The following DGKB variants were observed in gnomAD, a reference collection of about 807,000 sequenced individuals.
DGKB encodes 90 kDa diacylglycerol kinase.
DGKB carries 67 observed loss-of-function variants against 114.3 expected under a neutral mutation model. The observed-to-expected ratio is 0.59, with a 90% CI of 0.48 to 0.72. DGKB has a LOEUF of 0.72. Among genes scored for constraint, DGKB ranks in the 30% least tolerant of loss-of-function variants. DGKB has a pLI of 0.00. For missense variants in DGKB, 907 were observed against 975.2 expected, an observed-to-expected ratio of 0.93 and a Z score of 0.93; for synonymous variants, 398 against 323.1, an observed-to-expected ratio of 1.23 and a Z score of -2.49.
chr7:14,264,392 C>T (rs1797202086), intron 23 of DGKB, among the ~76,000 whole-genome samples: 2 of 152,114 alleles, frequency 1.3e-5, no homozygotes, highest in South Asian at 4.1e-4. Context: ...CTGGGGACCT[C>T]AGTAGCCTGA....
rs148068282 is a variant in DGKB, at chr7:14,807,804, G to A, written c.70+33390C>T. ...TTTGGGGCTTTTTAAATTTGTTTTT[G>A]TTCTAAAAAATTGTGTATTATGAAA... On this transcript the variant is annotated intron_variant, in intron 2 of 25. Transcript: ENST00000402815. Among the ~76,000 whole-genome samples, 578 of 151,900 alleles carry A rather than the reference G, an allele frequency of 3.8e-3. 6 individuals are homozygous for A. Among genetic ancestry groups the A allele is most frequent in the African/African-American group, 0.013 (530 of 41,472 alleles).
chr7:14,252,636 C>A (rs1214642294), intron 23 of DGKB, among the ~76,000 whole-genome samples: 1 of 152,140 alleles, frequency 6.6e-6, no homozygotes, highest in East Asian at 1.9e-4. Context: ...AGAAACAGGC[C>A]TTGTCCCTAG....
At chr7:14,842,260 T>C (rs1308637904) in intron 1 of DGKB, among the ~76,000 whole-genome samples, 1 of 152,228 alleles carries the variant, frequency 6.6e-6, no homozygotes, top group Non-Finnish European at 1.5e-5. Context: ...GTCACCTTAC[T>C]TCTACAGACA....
At chr7:14,500,637 G>T (rs1362420125) in intron 20 of DGKB, among the ~76,000 whole-genome samples, 1 of 151,514 alleles carries the variant, frequency 6.6e-6, no homozygotes, top group Non-Finnish European at 1.5e-5. Flanking sequence ...ATACCTACAG[G>T]TATTACTCCT....
At chr7:14,470,064 T>C (rs200861271) in intron 21 of DGKB, among the ~76,000 whole-genome samples, 1 of 151,864 alleles carries the variant, frequency 6.6e-6, no homozygotes, top group East Asian at 1.9e-4. Flanking sequence ...TTAAATGATA[T>C]AGCAAAGTAT....
At chr7:14,680,394 T>C (rs915972112) in intron 12 of DGKB, among the ~76,000 whole-genome samples, 1 of 151,952 alleles carries the variant, frequency 6.6e-6, no homozygotes, top group African/African-American at 2.4e-5. Context: ...ATATTTAGAT[T>C]TTTAAAAGTA....
chr7:14,313,632 CG>C (rs754497820), intron 23 of DGKB, among the ~76,000 whole-genome samples: 27 of 151,958 alleles, frequency 1.8e-4, no homozygotes, highest in Non-Finnish European at 2.8e-4. Context: ...GAGGGTCCTA[CG>C]CCCACGGAGT....
Position 14,583,069 on chromosome 7 carries a change from C to G in DGKB, c.1502G>C (p.Trp501Ser). The G allele has an allele frequency of 6.2e-7, 1 of 1,613,124 alleles. No individual in the cohort carries two copies. Among genetic ancestry groups the G allele is most frequent in the Non-Finnish European group, 8.5e-7 (1 of 1,179,322 alleles). Residue 501 changes from tryptophan (W) to serine (S), a missense_variant, in exon 18 of 26, where the codon TGG (tryptophan) becomes TCG (serine). Coordinates refer to ENST00000402815, the MANE Select transcript of DGKB (RefSeq NM_001350709.2). The part of the protein sequence containing the change: ...LACGGDGTVG[W>S]VLDCIEKANV... The stretch of plus-strand genomic sequence containing the variant: ...TGCATTACCTATGCAATCCAAAACC[C>G]AGCCCACGGTTCCATCTCCACCACA...
intron 21 of DGKB, among the ~76,000 whole-genome samples, chr7:14,460,154 G>A (rs901547686): frequency 1.1e-4 from 17 of 152,232 alleles, no homozygotes; most frequent in African/African-American, 4.1e-4. Context: ...ATACCAAATT[G>A]TAAAGACCAT....
chr7:14,953,799 T>A (rs144733852), intron 1 of DGKB, among the ~76,000 whole-genome samples: 1 of 152,092 alleles, frequency 6.6e-6, no homozygotes, highest in Middle Eastern at 3.2e-3. Context: ...AATCCAAATG[T>A]TAGGGTTAAA....
In DGKB at chr7:14,647,785, G is replaced by A. The variant is rs185526708; in HGVS notation, c.1135-17517C>T. Among the ~76,000 whole-genome samples, 700 of 152,286 alleles carry A rather than the reference G, an allele frequency of 4.6e-3. 2 individuals are homozygous for A. The highest frequency in any genetic ancestry group is 0.015 in the African/African-American group (638 of 41,550). On this transcript the variant is annotated intron_variant, in intron 13 of 25. Transcript: ENST00000402815. ...ACAGTGGGCGCAGGTCAGTGGTCGCGCGCACCATGCGCGAGCCGAAGCAGG... is the reference window on the plus strand; with the variant it reads ...ACAGTGGGCGCAGGTCAGTGGTCGCACGCACCATGCGCGAGCCGAAGCAGG...
intron 21 of DGKB, among the ~76,000 whole-genome samples, chr7:14,404,030 C>T (rs1457035117): frequency 1.3e-5 from 2 of 151,868 alleles, no homozygotes; most frequent in East Asian, 3.9e-4. Flanking sequence ...AAGTAGTCTT[C>T]AAAAAGTCAA....
At chr7:14,235,251 T>C (rs1297479115) in intron 23 of DGKB, among the ~76,000 whole-genome samples, 1 of 152,194 alleles carries the variant, frequency 6.6e-6, no homozygotes, top group African/African-American at 2.4e-5. Context: ...TTAACTTGCA[T>C]GTTTTGTTCA....
At chr7:14,842,938 T>A (rs1006560253) in intron 1 of DGKB, among the ~76,000 whole-genome samples, 3 of 152,166 alleles carry the variant, frequency 2.0e-5, no homozygotes, top group Non-Finnish European at 4.4e-5. Context: ...GCCAGGCAGG[T>A]GGCTAATGCC....
chr7:14,860,652 T>A (rs989124201), intron 1 of DGKB, among the ~76,000 whole-genome samples: 1 of 151,852 alleles, frequency 6.6e-6, no homozygotes, highest in Non-Finnish European at 1.5e-5. Flanking sequence ...AAATTTTAAT[T>A]AGATGATTTT....
intron 1 of DGKB, among the ~76,000 whole-genome samples, chr7:14,927,064 G>T (rs1784786152): frequency 1.3e-5 from 2 of 151,980 alleles, no homozygotes; most frequent in Admixed American, 6.6e-5. Flanking sequence ...TGATGATGAT[G>T]ATGATTATTT....
At chr7:14,416,322 G>C (rs1455389826) in intron 21 of DGKB, among the ~76,000 whole-genome samples, 1 of 152,046 alleles carries the variant, frequency 6.6e-6, no homozygotes, top group Admixed American at 6.6e-5. Context: ...GATAACTTCT[G>C]AAATTTTGGA....
chr7:14,364,451 G>T (rs987326409), intron 21 of DGKB, among the ~76,000 whole-genome samples: 4 of 151,710 alleles, frequency 2.6e-5, no homozygotes, highest in African/African-American at 9.7e-5. Context: ...ACGAAGGAAG[G>T]GAGGGAAAAG....
At chr7:14,681,540 A>G (rs1220884144) in intron 12 of DGKB, among the ~76,000 whole-genome samples, 10 of 151,944 alleles carry the variant, frequency 6.6e-5, no homozygotes, top group Non-Finnish European at 1.5e-4. Context: ...CAGTGGAGAC[A>G]GTTATTTACT....
Sources: allele counts gnomAD v4.1 joint callset (sites outside exome capture counted in the v4.1 genomes callset), GRCh38; gene constraint gnomAD v4.1.1; transcripts MANE v1.5; gene names NCBI Gene and HGNC (gene_info 2026-07-23, HGNC 2026-07-21).